Variants in RPS6KB1 observed in about 807,000 individuals in gnomAD.
RPS6KB1 encodes the protein ribosomal protein S6 kinase beta-1.
In RPS6KB1, 12 loss-of-function variants were observed where a neutral mutation model predicts 70.2. That is an observed-to-expected ratio of 0.17 (90% CI 0.11 to 0.28). The LOEUF is 0.28. Ranked by LOEUF, RPS6KB1 falls within the 10% of genes least tolerant of loss-of-function variation. RPS6KB1 has a pLI of 1.00. For synonymous variants in RPS6KB1, 175 were observed against 211.2 expected (o/e 0.83, Z 1.49); for missense variants, 270 against 646.6 (o/e 0.42, Z 6.32).
At position 59,950,479 on chromosome 17, in the gene RPS6KB1, G is replaced by C. The variant is rs1442473067; in HGVS notation, c.*3691G>C. 1 of 146,298 alleles carries C rather than the reference G, an allele frequency of 6.8e-6. No homozygotes were observed. Among genetic ancestry groups the C allele is most frequent in the Non-Finnish European group, 1.5e-5 (1 of 66,740 alleles). The allele number at this position is 146,298 out of a possible 1,614,324, so 9.1% of individuals were successfully genotyped here. ...TAAAGATAGGAAGGAATTAGTATACGTATCAGGTGTATAAATGGTTTAAAT... is the reference window on the plus strand; with the variant it reads ...TAAAGATAGGAAGGAATTAGTATACCTATCAGGTGTATAAATGGTTTAAAT... On this transcript the variant is annotated 3_prime_UTR_variant, in exon 15 of 15. Transcript: ENST00000225577.
At chr17:59,930,232 C>G in intron 6 of RPS6KB1, 58 bp downstream of exon 6, 1 of 921,878 alleles carries the variant, frequency 1.1e-6, no homozygotes, top group Non-Finnish European at 1.8e-6. Context: ...AGCCCCATTC[C>G]CACTATGGGC....
chr17:59,915,199 A>T (rs569585181), intron 4 of RPS6KB1, among the ~76,000 whole-genome samples: 1 of 152,074 alleles, frequency 6.6e-6, no homozygotes, highest in Non-Finnish European at 1.5e-5. Context: ...CATATTGGCC[A>T]GGATGGTCTT....
intron 12 of RPS6KB1, among the ~76,000 whole-genome samples, chr17:59,938,191 G>GGT (rs1555653102): frequency 1.7e-4 from 24 of 143,232 alleles, no homozygotes; most frequent in Admixed American, 1.4e-3. Flanking sequence ...TTTTGGGGGG[G>GGT]GGATAGGGTC....
At position 59,934,723 on chromosome 17, in the gene RPS6KB1, CTA is replaced by C. The variant is rs1337417676; in HGVS notation, c.870+201_870+202del. ...TCCGAAACATTTTCTTTTAAATGAT[CTA>C]TGTCATGGCAGGCCTGTGAAATAGA... On this transcript the variant is annotated intron_variant, in intron 9 of 14. Coordinates refer to ENST00000225577, the MANE Select transcript of RPS6KB1 (RefSeq NM_003161.4). This position sits in a 1 kb window ranked among gnomAD's most constrained non-coding sequence, Gnocchi z 4.8. 3 of 528,554 alleles carry C rather than the reference CTA, an allele frequency of 5.7e-6. No homozygotes were observed. The East Asian group carries it at 9.0e-5, about 16-fold the overall frequency. The allele number at this position is 528,554 out of a possible 1,614,324, so 32.7% of individuals were successfully genotyped here.
At chr17:59,916,322 A>G (rs956577147) in intron 4 of RPS6KB1, among the ~76,000 whole-genome samples, 3 of 144,710 alleles carry the variant, frequency 2.1e-5, no homozygotes, top group African/African-American at 7.8e-5. Flanking sequence ...CTGGTGTCGA[A>G]CTCCTGACCT....
chr17:59,910,603 A>G lies in RPS6KB1; in HGVS notation c.183A>G (p.Pro61=), dbSNP rs760831935. ...GCATGGACCATGGGGGAGTTGGACC[A>G]TATGAACTGTAAGTTTATATGAAGA... is the stretch of plus-strand genomic sequence containing the variant. The part of the protein sequence containing the change: ...NESMDHGGVG[P]YELGMEHCEK... Residue 61 remains proline (P), a synonymous_variant, in exon 2 of 15, where the codon CCA becomes CCG. Transcript: ENST00000225577. 6.3e-6 allele frequency: 10 copies of G among 1,583,828 alleles called. No homozygotes were observed. The highest frequency in any genetic ancestry group is 4.6e-5 in the South Asian group (4 of 86,354).
At chr17:59,904,940 C>G (rs1013754041) in intron 1 of RPS6KB1, among the ~76,000 whole-genome samples, 4 of 151,798 alleles carry the variant, frequency 2.6e-5, no homozygotes, top group African/African-American at 9.7e-5. Context: ...TGTGATCTGT[C>G]TGTCTCAGCC....
chr17:59,910,632 T>G, intron 2 of RPS6KB1, 21 bp downstream of exon 2: 1 of 1,491,034 alleles, frequency 6.7e-7, no homozygotes, highest in Non-Finnish European at 9.3e-7. Flanking sequence ...ATGAAGAGAT[T>G]TTCATTGTGT....
Position 59,947,764 on chromosome 17 carries a change from A to G in RPS6KB1, c.*976A>G. 2 of 560,394 alleles carry G rather than the reference A, an allele frequency of 3.6e-6. No homozygotes were observed. Among genetic ancestry groups the G allele is most frequent in the South Asian group, 5.2e-5 (2 of 38,654 alleles). 34.7% of individuals were successfully genotyped at this position (560,394 alleles called of 1,614,324 possible). ...CAGCCCATGGCTGAAGAACAACAGA[A>G]GAGAGTCAGGATAAAAAATACATAC... On this transcript the variant is annotated 3_prime_UTR_variant, in exon 15 of 15. Transcript: ENST00000225577.
intron 5 of RPS6KB1, among the ~76,000 whole-genome samples, chr17:59,927,681 A>G (rs1428246848): frequency 6.7e-6 from 1 of 149,684 alleles, no homozygotes; most frequent in Non-Finnish European, 1.5e-5. Flanking sequence ...TTTTTTTTGT[A>G]TTTTTAGTAG....
At chr17:59,897,877 A>T (rs2041659948) in intron 1 of RPS6KB1, among the ~76,000 whole-genome samples, 1 of 151,710 alleles carries the variant, frequency 6.6e-6, no homozygotes, top group Non-Finnish European at 1.5e-5. Context: ...AGGCAGGAGA[A>T]TCTCTTGAAC....
intron 5 of RPS6KB1, among the ~76,000 whole-genome samples, chr17:59,926,828 T>C (rs1245363877): frequency 6.6e-6 from 1 of 152,220 alleles, no homozygotes; most frequent in Non-Finnish European, 1.5e-5. Flanking sequence ...ATCACTCACT[T>C]AACAGAAAAA....
At chr17:59,908,135 CATTTG>C (rs1239717657) in intron 1 of RPS6KB1, among the ~76,000 whole-genome samples, 1 of 151,960 alleles carries the variant, frequency 6.6e-6, no homozygotes, top group African/African-American at 2.4e-5. Context: ...GTGTGTAAAT[CATTTG>C]ATTTAAGTCA....
At chr17:59,908,881 G>A (rs1269774881) in intron 1 of RPS6KB1, among the ~76,000 whole-genome samples, 3 of 135,454 alleles carry the variant, frequency 2.2e-5, no homozygotes, top group Non-Finnish European at 3.1e-5. Context: ...GCCTCCCAGA[G>A]TGCTGGGATT....
At chr17:59,938,699 TTGTG>T (rs58751297) in intron 12 of RPS6KB1, among the ~76,000 whole-genome samples, 14,818 of 137,988 alleles carry the variant, frequency 0.11, 896 homozygotes, top group African/African-American at 0.17. Flanking sequence ...AATGTGTAGT[TTGTG>T]TGTGTGTGTG....
intron 4 of RPS6KB1, among the ~76,000 whole-genome samples, chr17:59,915,496 C>T (rs544606992): frequency 6.6e-6 from 1 of 151,988 alleles, no homozygotes; most frequent in Admixed American, 6.6e-5. Context: ...GATGAACTCT[C>T]ACTCTGTTGT....
chr17:59,929,581 A>AC (rs1306101834), intron 5 of RPS6KB1, among the ~76,000 whole-genome samples: 5 of 152,202 alleles, frequency 3.3e-5, no homozygotes, highest in Non-Finnish European at 7.3e-5. Context: ...GTCATTGTGG[A>AC]CTTAGGGATC....
At chr17:59,900,218 AC>A (rs1482012200) in intron 1 of RPS6KB1, among the ~76,000 whole-genome samples, 7 of 135,602 alleles carry the variant, frequency 5.2e-5, no homozygotes, top group African/African-American at 1.8e-4. Context: ...ACACACACAC[AC>A]ACACACACAC....
At position 59,938,411 on chromosome 17, in the gene RPS6KB1, T is replaced by C. The variant is rs547106299; in HGVS notation, c.1119+1870T>C. Among the ~76,000 whole-genome samples the C allele has an allele frequency of 1.1e-4, 16 of 151,804 alleles. 1 individual carries two copies. In the South Asian group the frequency reaches 2.1e-3, roughly 20 times the overall value. On this transcript the variant is annotated intron_variant, in intron 12 of 14. Coordinates refer to ENST00000225577, the MANE Select transcript of RPS6KB1 (RefSeq NM_003161.4). ...TGTTGTTGTTTTTCCATTTTTTTTT[T>C]CTCCTGTTTGTAAGGATTTAATCAA... is the stretch of plus-strand genomic sequence containing the variant.
Sources: gnomAD v4.1 joint callset for allele counts (sites outside exome capture counted in the v4.1 genomes callset) on GRCh38, gnomAD v4.1.1 for gene constraint, Gnocchi (gnomAD v3.1) non-coding constraint, MANE v1.5 for transcripts, NCBI Gene and HGNC (gene_info 2026-07-23, HGNC 2026-07-21) for gene names.